Variants in ANKRD13C observed in about 807,000 individuals in gnomAD.
ANKRD13C encodes the protein ankyrin repeat domain-containing protein 13C.
In ANKRD13C, 16 loss-of-function variants were observed where a neutral mutation model predicts 65.5. The observed-to-expected ratio is 0.24, with a 90% CI of 0.17 to 0.37. The LOEUF (loss-of-function observed/expected upper bound fraction) is 0.37, where lower values mean the gene tolerates loss of function less well. ANKRD13C is among the 10% of genes least tolerant of loss of function. ANKRD13C has a pLI of 1.00. For missense variants in ANKRD13C, 503 were observed against 655.9 expected (o/e 0.77, Z 2.55); for synonymous variants, 235 against 238.7 (o/e 0.98, Z 0.14).
At chr1:70,289,634 T>G (rs549175357) in intron 9 of ANKRD13C, among the ~76,000 whole-genome samples, 59 of 139,650 alleles carry the variant, frequency 4.2e-4, no homozygotes, top group African/African-American at 1.3e-3. Flanking sequence ...GCCCGGCTAA[T>G]TTTTTTTTTT....
intron 8 of ANKRD13C, 61 bp from the exon 9 acceptor site, chr1:70,292,610 T>C: frequency 1.6e-6 from 2 of 1,286,100 alleles, no homozygotes; most frequent in East Asian, 2.5e-5. Flanking sequence ...GTCAAGGTAA[T>C]ATATTTTTCC....
intron 9 of ANKRD13C, among the ~76,000 whole-genome samples, chr1:70,291,809 A>C (rs1679880313): frequency 6.6e-6 from 1 of 151,598 alleles, no homozygotes; most frequent in African/African-American, 2.4e-5. Context: ...TCCAACTCTA[A>C]ATAAATAAAT....
chr1:70,306,092 T>C, intron 6 of ANKRD13C, 132 bp downstream of exon 6: 1 of 502,728 alleles, frequency 2.0e-6, no homozygotes, highest in African/African-American at 2.0e-5. Context: ...ATGTCTCGAA[T>C]GAGATAAAAT....
At chr1:70,287,884 G>A (rs1572058588) in intron 9 of ANKRD13C, among the ~76,000 whole-genome samples, 1 of 152,130 alleles carries the variant, frequency 6.6e-6, no homozygotes, top group South Asian at 2.1e-4. Flanking sequence ...ACTGGGCATG[G>A]TGATGCATGC....
At chr1:70,337,392 CA>C (rs1682089946) in intron 1 of ANKRD13C, among the ~76,000 whole-genome samples, 1 of 151,790 alleles carries the variant, frequency 6.6e-6, no homozygotes, top group African/African-American at 2.4e-5. Flanking sequence ...CCAGCCTGGC[CA>C]ACATGGTGAA....
At chr1:70,296,102 A>C (rs749959800) in intron 8 of ANKRD13C, 28 bp downstream of exon 8, 34 of 1,605,548 alleles carry the variant, frequency 2.1e-5, no homozygotes, top group Non-Finnish European at 2.8e-5. Context: ...ACAATGCTTA[A>C]AGTTTAAAAA....
At chr1:70,262,910 G>T in intron 12 of ANKRD13C, 63 bp from the exon 13 acceptor site, 34 of 1,081,592 alleles carry the variant, frequency 3.1e-5, no homozygotes, top group Non-Finnish European at 4.0e-5. Context: ...AGACTACAAA[G>T]TACTATTGGA....
chr1:70,348,158 T>A (rs1296414636), intron 1 of ANKRD13C, among the ~76,000 whole-genome samples: 1 of 152,108 alleles, frequency 6.6e-6, no homozygotes, highest in Non-Finnish European at 1.5e-5. Context: ...ATGAAGGTTT[T>A]AGTGACTAAA....
intron 2 of ANKRD13C, among the ~76,000 whole-genome samples, chr1:70,335,310 G>A (rs994297783): frequency 7.9e-5 from 12 of 151,694 alleles, no homozygotes; most frequent in South Asian, 2.1e-4. Flanking sequence ...GGAGGCTGAC[G>A]CAGGAGAATT....
Position 70,276,746 on chromosome 1 carries a change from A to G in ANKRD13C, c.1295+19T>C. The G allele has an allele frequency of 6.4e-7, 1 of 1,556,084 alleles. No individual in the cohort carries two copies. Among genetic ancestry groups the G allele is most frequent in the Non-Finnish European group, 8.7e-7 (1 of 1,146,908 alleles). ...TCTTTCTAAAAACCAAATAACACAT[A>G]AACAAGAAAAAAACTTACTTTCCAT... is the stretch of plus-strand genomic sequence containing the variant. On this transcript the variant is annotated intron_variant, in intron 10 of 12. Coordinates refer to ENST00000370944, the MANE Select transcript of ANKRD13C (RefSeq NM_030816.5).
At position 70,265,715 on chromosome 1, in the gene ANKRD13C, C is replaced by A. The variant is rs138650868; in HGVS notation, c.1496-2868G>T. Among the ~76,000 whole-genome samples, 556 of 148,310 alleles carry A rather than the reference C, an allele frequency of 3.7e-3. 4 individuals are homozygous for A. Among genetic ancestry groups the A allele is most frequent in the African/African-American group, 0.013 (526 of 40,174 alleles). ...TGGCTCATGTCTGTGGTCCCAGCTACTTGGGAGGCTGAGGTGGAAGGATGG... is the reference window on the plus strand; with the variant it reads ...TGGCTCATGTCTGTGGTCCCAGCTAATTGGGAGGCTGAGGTGGAAGGATGG... On this transcript the variant is annotated intron_variant, in intron 12 of 12. Coordinates refer to ENST00000370944, the MANE Select transcript of ANKRD13C (RefSeq NM_030816.5).
chr1:70,315,338 A>C lies in ANKRD13C; in HGVS notation c.663+143T>G, dbSNP rs1229210829. Reference sequence around the variant, plus strand: ...TCTACTAAGATCACATTCATACACTAATTATTGCTTAATTTAAGCATGATT... The same window carrying C: ...TCTACTAAGATCACATTCATACACTCATTATTGCTTAATTTAAGCATGATT... On this transcript the variant is annotated intron_variant, in intron 4 of 12. Transcript: ENST00000370944. The C allele has an allele frequency of 6.8e-6, 4 of 587,166 alleles. No homozygotes were observed. In the Admixed American group the frequency reaches 1.1e-4, roughly 17 times the overall value. The allele number at this position is 587,166 out of a possible 1,614,324, so 36.4% of individuals were successfully genotyped here.
intron 9 of ANKRD13C, among the ~76,000 whole-genome samples, chr1:70,279,956 T>A (rs1457242535): frequency 6.6e-6 from 1 of 152,152 alleles, no homozygotes; most frequent in Non-Finnish European, 1.5e-5. Flanking sequence ...TCCCTTATGG[T>A]ATAATGGAGG....
chr1:70,270,994 C>A, intron 11 of ANKRD13C, 38 bp from the exon 12 acceptor site: 2 of 1,345,318 alleles, frequency 1.5e-6, no homozygotes, highest in South Asian at 1.2e-5. Context: ...TTTCATTGTT[C>A]AAATTGCCTT....
chr1:70,267,448 C>A lies in ANKRD13C; in HGVS notation c.1495+3408G>T, dbSNP rs571425002. On this transcript the variant is annotated intron_variant, in intron 12 of 12. Transcript: ENST00000370944. ...ACAGTGGCGCGATCTTGGCTCACTG[C>A]AACTTCCGTCAGCCTCCTAAGTTTA... 3.9e-5 allele frequency among the ~76,000 whole-genome samples: 6 copies of A among 152,170 alleles called. No homozygotes were observed. The East Asian group carries it at 1.2e-3, about 29-fold the overall frequency.
At chr1:70,325,377 CA>C (rs1004271717) in intron 2 of ANKRD13C, among the ~76,000 whole-genome samples, 2 of 151,992 alleles carry the variant, frequency 1.3e-5, no homozygotes, top group Admixed American at 1.3e-4. Context: ...ATTTCAGAAA[CA>C]AAAGTGCTTT....
chr1:70,327,662 A>C (rs545792468), intron 2 of ANKRD13C, among the ~76,000 whole-genome samples: 6 of 152,330 alleles, frequency 3.9e-5, no homozygotes, highest in African/African-American at 1.4e-4. Context: ...GATCATGATA[A>C]TGTGGTTATG....
intron 8 of ANKRD13C, among the ~76,000 whole-genome samples, chr1:70,294,116 A>C (rs1679975155): frequency 6.6e-6 from 1 of 152,230 alleles, no homozygotes; most frequent in Non-Finnish European, 1.5e-5. Context: ...TCTACGACAT[A>C]CTAAAGAATG....
At chr1:70,320,657 A>G (rs1681266363) in intron 3 of ANKRD13C, among the ~76,000 whole-genome samples, 1 of 151,960 alleles carries the variant, frequency 6.6e-6, no homozygotes, top group South Asian at 2.1e-4. Flanking sequence ...TCTTTGAGTG[A>G]TATTATTTTC....
Sources: allele counts gnomAD v4.1 joint callset (sites outside exome capture counted in the v4.1 genomes callset), GRCh38; gene constraint gnomAD v4.1.1; transcripts MANE v1.5; gene names NCBI Gene and HGNC (gene_info 2026-07-23, HGNC 2026-07-21).